Variants in ZSCAN21 observed in about 807,000 individuals in gnomAD.
ZSCAN21 encodes the protein zinc finger and SCAN domain-containing protein 21.
ZSCAN21 carries 26 observed loss-of-function variants against 35.6 expected under a neutral mutation model. The ratio of observed to expected loss-of-function variants is 0.73; its 90% confidence interval spans 0.54 to 1.01. The LOEUF (loss-of-function observed/expected upper bound fraction) is 1.01, where lower values mean the gene tolerates loss of function less well. Ranked by LOEUF, ZSCAN21 falls within the 50% of genes least tolerant of loss-of-function variation. The pLI, the probability that ZSCAN21 is intolerant of heterozygous loss-of-function variation, is 0.00. For synonymous variants in ZSCAN21, 219 were observed against 219.3 expected (o/e 1.00, Z 0.01); for missense variants, 593 against 587.1 (o/e 1.01, Z -0.10).
In ZSCAN21 at chr7:100,064,606, G is replaced by A. The variant is rs1792542235; in HGVS notation, c.1411G>A (p.Glu471Lys). The change falls in exon 4 of 4, where the codon GAA becomes AAA. Residue 471 changes from glutamate to lysine, a missense_variant. Physicochemically the swap from Glu to Lys is moderately conservative, Grantham distance 56. Transcript: ENST00000292450. ...KHQRVHTGEG[E>K]AP The stretch of plus-strand genomic sequence containing the variant: ...TCAGCGAGTCCACACTGGAGAGGGA[G>A]AAGCACCGTAACTTTCAAGCGCTCC... The A allele has an allele frequency of 6.2e-7, 1 of 1,613,174 alleles. No individual in the cohort carries two copies. Among genetic ancestry groups the A allele is most frequent in the South Asian group, 1.1e-5 (1 of 90,988 alleles).
chr7:100,051,036 A>G (rs1460669941), intron 1 of ZSCAN21, among the ~76,000 whole-genome samples: 3 of 151,240 alleles, frequency 2.0e-5, no homozygotes, highest in African/African-American at 7.3e-5. Flanking sequence ...TACTACAAAT[A>G]CAAAATTAGG....
At chr7:100,058,394 A>G (rs770939241) in intron 3 of ZSCAN21, among the ~76,000 whole-genome samples, 12 of 152,128 alleles carry the variant, frequency 7.9e-5, no homozygotes, top group Non-Finnish European at 1.3e-4. Context: ...AAATACCCCA[A>G]CTGCACCCTC....
chr7:100,052,342 T>C (rs745371339), intron 1 of ZSCAN21, among the ~76,000 whole-genome samples: 4 of 151,936 alleles, frequency 2.6e-5, no homozygotes, highest in Non-Finnish European at 5.9e-5. Context: ...GGCAAGAAGA[T>C]GGCTTGAGAC....
intron 1 of ZSCAN21, among the ~76,000 whole-genome samples, chr7:100,051,997 C>T (rs1791897303): frequency 6.6e-6 from 1 of 152,050 alleles, no homozygotes; most frequent in Non-Finnish European, 1.5e-5. Flanking sequence ...GTGGTACAGC[C>T]ACAACTCTGC....
chr7:100,053,088 T>A (rs1271447388), intron 1 of ZSCAN21, among the ~76,000 whole-genome samples: 1 of 147,718 alleles, frequency 6.8e-6, no homozygotes, highest in Non-Finnish European at 1.5e-5. Flanking sequence ...ATCATGGCAC[T>A]GCACTCCAGC....
At position 100,064,804 on chromosome 7, in the gene ZSCAN21, G is replaced by A. The variant is rs1792557590; in HGVS notation, c.*187G>A. ...AGGAGGTCCTCAGAAGGTGTCAGGA[G>A]GTTCCACACTCGCCAGTTCACTGGA... is the stretch of plus-strand genomic sequence containing the variant. On this transcript the variant is annotated 3_prime_UTR_variant, in exon 4 of 4. Coordinates refer to ENST00000292450, the MANE Select transcript of ZSCAN21 (RefSeq NM_145914.3). The A allele has an allele frequency of 6.2e-7, 1 of 1,614,050 alleles. No individual in the cohort carries two copies. The highest frequency in any genetic ancestry group is 1.1e-5 in the South Asian group (1 of 91,088).
chr7:100,050,042 C>T (rs528043513), intron 1 of ZSCAN21, among the ~76,000 whole-genome samples: 17 of 152,326 alleles, frequency 1.1e-4, no homozygotes, highest in African/African-American at 4.1e-4. Flanking sequence ...AAAGCCTTTT[C>T]TTCCACTTGG....
rs746719758 is a variant in ZSCAN21 at position 100,064,109 on chromosome 7, A to T, written c.914A>T (p.Tyr305Phe). 1 of 1,614,064 alleles carries T rather than the reference A, an allele frequency of 6.2e-7. No homozygotes were observed. The highest frequency in any genetic ancestry group is 1.7e-5 in the Admixed American group (1 of 60,002). The change falls in exon 4 of 4, where the codon TAC becomes TTC. Residue 305 changes from tyrosine to phenylalanine, a missense_variant. Transcript: ENST00000292450. Reference protein sequence around the residue: ...HRRTHTGEKPYVCTKCGKAFS... With the variant: ...HRRTHTGEKPFVCTKCGKAFS... Reference sequence around the variant, plus strand: ...AGAACACACACTGGGGAGAAACCTTACGTGTGCACCAAGTGTGGGAAAGCT... The same window carrying T: ...AGAACACACACTGGGGAGAAACCTTTCGTGTGCACCAAGTGTGGGAAAGCT...
chr7:100,051,178 C>CAAAAAAAAAAAAAAAAA lies in ZSCAN21; in HGVS notation c.-97+1346_-97+1362dup, dbSNP rs369246193. Among the ~76,000 whole-genome samples the CAAAAAAAAAAAAAAAAA allele has an allele frequency of 5.1e-3, 211 of 41,348 alleles. 5 individuals carry two copies. The highest frequency in any genetic ancestry group is 6.5e-3 in the Non-Finnish European group (150 of 23,118). The allele number at this position is 41,348 out of a possible 152,430, so 27.1% of individuals were successfully genotyped here. On this transcript the variant is annotated intron_variant, in intron 1 of 3. Coordinates refer to ENST00000292450, the MANE Select transcript of ZSCAN21 (RefSeq NM_145914.3). ...GGGAAACAAGAGTGAAACTACGTCT[C>CAAAAAAAAAAAAAAAAA]AAAAAAAAAAAAAAAAAAAAAAAAA...
chr7:100,054,214 T>C (rs1791992931), intron 1 of ZSCAN21, among the ~76,000 whole-genome samples: 1 of 151,982 alleles, frequency 6.6e-6, no homozygotes, highest in Non-Finnish European at 1.5e-5. Flanking sequence ...AAGAATCCTT[T>C]ATTCAAATTA....
At chr7:100,062,648 G>A (rs537892172) in intron 3 of ZSCAN21, among the ~76,000 whole-genome samples, 3 of 149,854 alleles carry the variant, frequency 2.0e-5, no homozygotes, top group South Asian at 2.1e-4. Context: ...ATCCCAGCAC[G>A]TGGATCACCT....
intron 1 of ZSCAN21, among the ~76,000 whole-genome samples, chr7:100,052,065 G>A (rs1472532371): frequency 1.3e-5 from 2 of 151,994 alleles, no homozygotes; most frequent in African/African-American, 2.4e-5. Flanking sequence ...GCAAGACTTC[G>A]TTTCTACAAA....
intron 3 of ZSCAN21, among the ~76,000 whole-genome samples, chr7:100,061,314 G>T (rs1792281168): frequency 6.6e-6 from 1 of 152,154 alleles, no homozygotes; most frequent in East Asian, 1.9e-4. Flanking sequence ...TTGAGGCCAG[G>T]AGTTTGAGGC....
rs566696951 is a variant in ZSCAN21 at position 100,061,565 on chromosome 7, T to G, written c.593-2223T>G. On this transcript the variant is annotated intron_variant, in intron 3 of 3. Coordinates refer to ENST00000292450, the MANE Select transcript of ZSCAN21 (RefSeq NM_145914.3). ...TGAGGTTACTTCTGTCCCACACATG[T>G]AGTCCATGGCTGTCCAGTGACTCGA... Among the ~76,000 whole-genome samples, 8 of 152,312 alleles carry G rather than the reference T, an allele frequency of 5.3e-5. No individual in the cohort carries two copies. In the South Asian group the frequency reaches 1.5e-3, roughly 28 times the overall value.
Position 100,057,212 on chromosome 7 carries a change from T to G in ZSCAN21, c.206T>G (p.Leu69Arg), listed in dbSNP as rs1562845729. ...GAGGCCCTGAGCCAACTCCGGGTGC[T>G]CTGCTGTGAGTGGCTGAGGCCCGAG... Reference protein sequence around the residue: ...PREALSQLRVLCCEWLRPEIH... With the variant: ...PREALSQLRVRCCEWLRPEIH... Residue 69 changes from leucine to arginine, a missense_variant, in exon 2 of 4, where the codon CTC becomes CGC. By Grantham distance (102) the Leu-to-Arg change is moderately radical. Coordinates refer to ENST00000292450, the MANE Select transcript of ZSCAN21 (RefSeq NM_145914.3). The G allele has an allele frequency of 1.2e-6, 2 of 1,612,902 alleles. No individual in the cohort carries two copies. Among genetic ancestry groups the G allele is most frequent in the South Asian group, 2.2e-5 (2 of 90,944 alleles).
Position 100,057,887 on chromosome 7 carries a change from C to A in ZSCAN21, c.589C>A (p.Arg197=). ...QEFAQDPRKV[R]DCRLSTQHEE... ...GTTCGCTCAAGATCCAAGAAAGGTC[C>A]GAGGTGAGGACCACCCATTAGACTC... is the stretch of plus-strand genomic sequence containing the variant. Residue 197 remains arginine, a synonymous_variant, in exon 3 of 4, where the codon CGA becomes AGA. Transcript: ENST00000292450. 1 of 1,602,298 alleles carries A rather than the reference C, an allele frequency of 6.2e-7. No individual in the cohort carries two copies.
At chr7:100,054,678 C>T (rs1169286342) in intron 1 of ZSCAN21, among the ~76,000 whole-genome samples, 1 of 151,290 alleles carries the variant, frequency 6.6e-6, no homozygotes, top group Non-Finnish European at 1.5e-5. Flanking sequence ...AAACACTCCA[C>T]CAACATTTCT....
At chr7:100,060,151 TGGAA>T (rs1792229361) in intron 3 of ZSCAN21, among the ~76,000 whole-genome samples, 1 of 152,200 alleles carries the variant, frequency 6.6e-6, no homozygotes, top group African/African-American at 2.4e-5. Context: ...CAGAGGTAGA[TGGAA>T]GGAAGTCATC....
At chr7:100,052,012 C>A (rs560755208) in intron 1 of ZSCAN21, among the ~76,000 whole-genome samples, 1 of 152,008 alleles carries the variant, frequency 6.6e-6, no homozygotes, top group Non-Finnish European at 1.5e-5. Context: ...CTCTGCAGCC[C>A]GGAACTCCTG....
Sources: gnomAD v4.1 joint callset for allele counts (sites outside exome capture counted in the v4.1 genomes callset) on GRCh38, gnomAD v4.1.1 for gene constraint, MANE v1.5 for transcripts, NCBI Gene and HGNC (gene_info 2026-07-23, HGNC 2026-07-21) for gene names.